LMF1: variants seen among roughly 807,000 people sequenced by gnomAD.
LMF1 encodes lipase maturation factor 1, also known as transmembrane protein 112.
In LMF1, 68 loss-of-function variants were observed where a neutral mutation model predicts 60.6. The ratio of observed to expected loss-of-function variants is 1.12; its 90% CI spans 0.92 to 1.37. The LOEUF is 1.37. Among genes scored for constraint, LMF1 ranks in the 40% most tolerant of loss-of-function variants. The pLI is 0.00. For missense variants in LMF1, 948 were observed against 767.2 expected (o/e 1.24, Z -2.78); for synonymous variants, 418 against 324.7 (o/e 1.29, Z -3.09).
chr16:893,051 C>A lies in LMF1; in HGVS notation c.685G>T (p.Asp229Tyr). 6.4e-7 allele frequency: 1 copy of A among 1,552,964 alleles called. No individual in the cohort carries two copies. ...LGAGLIKIRG[D>Y]RCWRDLTCMD... ...CAGGTGAGGTCTCGCCAGCACCGGTCCCCCCGGATCTTGATCAGGCCCTGC... is the reference window on the plus strand; with the variant it reads ...CAGGTGAGGTCTCGCCAGCACCGGTACCCCCGGATCTTGATCAGGCCCTGC... The change falls in exon 5 of 11, where the codon GAC becomes TAC. Residue 229 changes from aspartate to tyrosine, a missense_variant. Coordinates refer to ENST00000262301, the MANE Select transcript of LMF1 (RefSeq NM_022773.4).
Position 897,016 on chromosome 16 carries a change from G to C in LMF1, c.664-3944C>G, listed in dbSNP as rs1225044458. 2.0e-5 allele frequency among the ~76,000 whole-genome samples: 3 copies of C among 151,834 alleles called. No homozygotes were observed. The highest frequency in any genetic ancestry group is 6.6e-5 in the Admixed American group (1 of 15,254). ...TAATTCTAAAAAAAAAAATGGCACAGACAGGCCAATAAACGCACCAGACCC... is the reference window on the plus strand; with the variant it reads ...TAATTCTAAAAAAAAAAATGGCACACACAGGCCAATAAACGCACCAGACCC... On this transcript the variant is annotated intron_variant, in intron 4 of 10. Transcript: ENST00000262301. This position sits in a 1 kb window ranked among gnomAD's most constrained non-coding sequence, Gnocchi z 4.3.
intron 3 of LMF1, among the ~76,000 whole-genome samples, chr16:924,266 AAGAC>A (rs1316060387): frequency 2.0e-5 from 3 of 152,186 alleles, no homozygotes; most frequent in Non-Finnish European, 2.9e-5. Context: ...ATCAGTCAGA[AAGAC>A]AGACAAATAC....
chr16:917,241 A>G (rs12918782), intron 3 of LMF1, among the ~76,000 whole-genome samples: 43,574 of 144,512 alleles, frequency 0.3, 9,467 homozygotes, highest in African/African-American at 0.59. Context: ...TGGTGTGGCC[A>G]CGCAGAGCAC....
chr16:874,974 G>C lies in LMF1; in HGVS notation c.898-3633C>G, dbSNP rs1034225770. ...TTCAAGACCCCACACTGCCTGTGAGGGGGCAGGATACATCGCAGCCGGGAC... is the reference window on the plus strand; with the variant it reads ...TTCAAGACCCCACACTGCCTGTGAGCGGGCAGGATACATCGCAGCCGGGAC... On this transcript the variant is annotated intron_variant, in intron 6 of 10. Coordinates refer to ENST00000262301, the MANE Select transcript of LMF1 (RefSeq NM_022773.4). This position sits in a 1 kb window ranked among gnomAD's most constrained non-coding sequence, Gnocchi z 4.1. 3.3e-5 allele frequency among the ~76,000 whole-genome samples: 5 copies of C among 152,214 alleles called. No individual in the cohort carries two copies. The highest frequency in any genetic ancestry group is 5.9e-5 in the Non-Finnish European group (4 of 68,028).
At chr16:867,710 G>C (rs574166789) in intron 10 of LMF1, among the ~76,000 whole-genome samples, 1 of 152,308 alleles carries the variant, frequency 6.6e-6, no homozygotes, top group Non-Finnish European at 1.5e-5. Context: ...GGGGGCTCTG[G>C]GATGGAGCCT....
intron 3 of LMF1, among the ~76,000 whole-genome samples, chr16:916,155 T>C (rs2071273878): frequency 6.6e-6 from 1 of 152,178 alleles, no homozygotes; most frequent in Non-Finnish European, 1.5e-5. Flanking sequence ...ATGGCCACTG[T>C]AGGAGAGAAC....
intron 3 of LMF1, among the ~76,000 whole-genome samples, chr16:915,895 C>CCTGGGGCAGGTGAGACTCAGCAG (rs1261112920): frequency 6.6e-6 from 1 of 151,288 alleles, no homozygotes; most frequent in Non-Finnish European, 1.5e-5. Flanking sequence ...GACTTGGGGG[C>CCTGGGGCAGGTGAGACTCAGCAG]CTGGGGCAGG....
At chr16:927,802 C>T (rs1294000279) in intron 3 of LMF1, among the ~76,000 whole-genome samples, 1 of 152,210 alleles carries the variant, frequency 6.6e-6, no homozygotes, top group African/African-American at 2.4e-5. Flanking sequence ...AATTTAAGAG[C>T]CGCAAGGGTG....
intron 2 of LMF1, among the ~76,000 whole-genome samples, chr16:941,846 T>G (rs1435038815): frequency 6.6e-6 from 1 of 152,230 alleles, no homozygotes; most frequent in Admixed American, 6.5e-5. Context: ...TGTTACAGAT[T>G]CAGGAAGGAT....
chr16:864,662 C>CTTTT (rs386364714), intron 10 of LMF1, among the ~76,000 whole-genome samples: 1,460 of 141,964 alleles, frequency 0.01, 29 homozygotes, highest in African/African-American at 0.036. Context: ...AAGTTACTAT[C>CTTTT]TTTTTTTTTT....
At chr16:955,460 G>A (rs200064473) in intron 1 of LMF1, among the ~76,000 whole-genome samples, 492 of 47,700 alleles carry the variant, frequency 0.01, 8 homozygotes, top group African/African-American at 0.032. Context: ...CAGCAGACGC[G>A]GTGTGTGCAT....
intron 6 of LMF1, among the ~76,000 whole-genome samples, chr16:875,517 C>T (rs2069947272): frequency 6.6e-6 from 1 of 152,188 alleles, no homozygotes; most frequent in African/African-American, 2.4e-5. Context: ...TTAAGTAACT[C>T]AGCACCTTGC....
At chr16:892,881 G>T in intron 5 of LMF1, 126 bp downstream of exon 5, 1 of 712,866 alleles carries the variant, frequency 1.4e-6, no homozygotes, top group Non-Finnish European at 2.3e-6. Flanking sequence ...AGGACGTCCT[G>T]AATCAATGGG....
At chr16:964,221 G>A (rs1157567658) in intron 1 of LMF1, 2 of 440,390 alleles carry the variant, frequency 4.5e-6, no homozygotes, top group Non-Finnish European at 9.3e-6. Context: ...TCTTGAAATC[G>A]GAAGGCGGAG....
intron 6 of LMF1, among the ~76,000 whole-genome samples, chr16:877,745 G>A (rs2070034312): frequency 6.6e-6 from 1 of 152,174 alleles, no homozygotes; most frequent in African/African-American, 2.4e-5. Context: ...CCGCCCAGCA[G>A]GGGAGAAAGG....
chr16:959,710 TC>T (rs926747953), intron 1 of LMF1, among the ~76,000 whole-genome samples: 3 of 151,884 alleles, frequency 2.0e-5, no homozygotes, highest in African/African-American at 7.3e-5. Context: ...TCCAGGGCTT[TC>T]CCCCCCGGGC....
At chr16:944,364 T>C (rs402605) in intron 2 of LMF1, among the ~76,000 whole-genome samples, 7,614 of 152,348 alleles carry the variant, frequency 0.05, 288 homozygotes, top group Middle Eastern at 0.1. Context: ...TCCATGTAGC[T>C]TTCTGTGGTG....
At chr16:917,770 G>A (rs2071323057) in intron 3 of LMF1, among the ~76,000 whole-genome samples, 1 of 152,204 alleles carries the variant, frequency 6.6e-6, no homozygotes. Flanking sequence ...TGCTCGCCCG[G>A]CACCCCCGGC....
intron 3 of LMF1, among the ~76,000 whole-genome samples, chr16:918,404 T>G (rs2071337829): frequency 6.6e-6 from 1 of 152,222 alleles, no homozygotes; most frequent in Admixed American, 6.5e-5. Flanking sequence ...TTTATTGGTT[T>G]TGGATAAATA....
Sources: gnomAD v4.1 joint callset for allele counts (sites outside exome capture counted in the v4.1 genomes callset) on GRCh38, gnomAD v4.1.1 for gene constraint, Gnocchi (gnomAD v3.1) non-coding constraint, MANE v1.5 for transcripts, NCBI Gene and HGNC (gene_info 2026-07-23, HGNC 2026-07-21) for gene names.